Variants in CSNK2A2 observed in about 807,000 individuals in gnomAD.
The protein encoded by CSNK2A2 is casein kinase 2 alpha 2.
A neutral mutation model predicts 54.0 loss-of-function variants in CSNK2A2; 8 were observed. The ratio of observed to expected loss-of-function variants is 0.15; its 90% CI spans 0.09 to 0.27. CSNK2A2 has a LOEUF of 0.27. Among genes scored for constraint, CSNK2A2 ranks in the 10% least tolerant of loss-of-function variants. CSNK2A2 has a pLI of 1.00. For missense variants in CSNK2A2, 242 were observed against 439.4 expected (o/e 0.55, Z 4.02); for synonymous variants, 141 against 153.9 (o/e 0.92, Z 0.62).
At chr16:58,165,516 C>G in intron 10 of CSNK2A2, 44 bp downstream of exon 10, 1 of 1,537,174 alleles carries the variant, frequency 6.5e-7, no homozygotes, top group Non-Finnish European at 8.8e-7. Context: ...AAGATTTGTT[C>G]TCTTGACTGA....
At chr16:58,186,624 CA>C in intron 3 of CSNK2A2, 130 bp downstream of exon 3, 1 of 612,538 alleles carries the variant, frequency 1.6e-6, no homozygotes. Flanking sequence ...TTCTGGTTTT[CA>C]AACCAGTCAG....
At chr16:58,164,169 G>A (rs772668095) in intron 10 of CSNK2A2, 22 bp from the exon 11 acceptor site, 4 of 1,612,690 alleles carry the variant, frequency 2.5e-6, no homozygotes. Context: ...CAGGAGGAAA[G>A]TCAGGCAATC....
chr16:58,180,521 TA>T (rs1282503355), intron 4 of CSNK2A2, among the ~76,000 whole-genome samples: 2 of 152,104 alleles, frequency 1.3e-5, no homozygotes, highest in African/African-American at 4.8e-5. Context: ...AGTTATGTTT[TA>T]AAAAGGAAAG....
rs372634548 is a variant in CSNK2A2, at chr16:58,161,546, C to CACACACAG, written c.*17+2507_*17+2508insCTGTGTGT. 1.7e-4 allele frequency: 25 copies of CACACACAG among 150,438 alleles called. 1 individual carries two copies. Among genetic ancestry groups the CACACACAG allele is most frequent in the African/African-American group, 6.0e-4 (24 of 40,176 alleles). 9.3% of individuals were successfully genotyped at this position (150,438 alleles called of 1,614,324 possible). ...ACACAGACACACACACAGACACACA[C>CACACACAG]ACAGACACACACACAGACACACACA... is the stretch of plus-strand genomic sequence containing the variant. On this transcript the variant is annotated intron_variant, in intron 11 of 11. Transcript: ENST00000262506.
chr16:58,167,850 CT>C, intron 6 of CSNK2A2, 55 bp from the exon 7 acceptor site: 1 of 1,382,798 alleles, frequency 7.2e-7, no homozygotes, highest in Non-Finnish European at 1.0e-6. Flanking sequence ...ACGCCTATGC[CT>C]TAGAACAAGG....
intron 4 of CSNK2A2, among the ~76,000 whole-genome samples, chr16:58,181,840 G>A (rs887640048): frequency 6.6e-6 from 1 of 152,040 alleles, no homozygotes; most frequent in African/African-American, 2.4e-5. Context: ...ACGAAGGCAC[G>A]TCATTGTGAA....
intron 4 of CSNK2A2, among the ~76,000 whole-genome samples, chr16:58,182,567 A>C (rs563319229): frequency 6.6e-5 from 10 of 151,434 alleles, no homozygotes; most frequent in Admixed American, 1.3e-4. Context: ...AAAAAAAAAA[A>C]AAAAAACAAA....
intron 2 of CSNK2A2, among the ~76,000 whole-genome samples, chr16:58,190,571 T>C (rs879341684): frequency 6.6e-6 from 1 of 152,242 alleles, no homozygotes; most frequent in Non-Finnish European, 1.5e-5. Context: ...ACTTTTCCTC[T>C]AATCTTTCAA....
Position 58,169,854 on chromosome 16 carries a change from G to C in CSNK2A2, c.430-1161C>G, listed in dbSNP as rs192397239. Reference sequence around the variant, plus strand: ...CAGGTCAGGAGTTCAAGACCAGCCTGGCCAACATGGCGAAACTCCACCTCT... The same window carrying C: ...CAGGTCAGGAGTTCAAGACCAGCCTCGCCAACATGGCGAAACTCCACCTCT... On this transcript the variant is annotated intron_variant, in intron 5 of 11. Coordinates refer to ENST00000262506, the MANE Select transcript of CSNK2A2 (RefSeq NM_001896.4). Among the ~76,000 whole-genome samples, 282 of 152,122 alleles carry C rather than the reference G, an allele frequency of 1.9e-3. 2 individuals are homozygous for C. Among genetic ancestry groups the C allele is most frequent in the African/African-American group, 6.2e-3 (259 of 41,480 alleles).
chr16:58,179,310 G>A (rs1413041446), intron 4 of CSNK2A2, among the ~76,000 whole-genome samples: 2 of 151,928 alleles, frequency 1.3e-5, no homozygotes, highest in African/African-American at 4.8e-5. Context: ...GACCAGCCTG[G>A]TCAACATGGT....
chr16:58,191,618 C>T (rs1962323606), intron 2 of CSNK2A2, among the ~76,000 whole-genome samples: 1 of 152,134 alleles, frequency 6.6e-6, no homozygotes, highest in African/African-American at 2.4e-5. Context: ...CCACCTCGGC[C>T]TACCAAAGGG....
intron 10 of CSNK2A2, among the ~76,000 whole-genome samples, chr16:58,165,217 A>G (rs1166771334): frequency 6.6e-6 from 1 of 152,208 alleles, no homozygotes; most frequent in East Asian, 1.9e-4. Flanking sequence ...ACTAATTACT[A>G]GTTTTCTGAG....
At chr16:58,179,356 C>A (rs1961964843) in intron 4 of CSNK2A2, among the ~76,000 whole-genome samples, 1 of 152,108 alleles carries the variant, frequency 6.6e-6, no homozygotes, top group East Asian at 1.9e-4. Context: ...AAAAAATTAG[C>A]TGGGTGTGGT....
Position 58,167,261 on chromosome 16 carries a change from T to C in CSNK2A2, c.672A>G (p.Ala224=), listed in dbSNP as rs1961592910. Residue 224 remains alanine, a synonymous_variant, in exon 8 of 12, where the codon GCA becomes GCG. Coordinates refer to ENST00000262506, the MANE Select transcript of CSNK2A2 (RefSeq NM_001896.4). ...ATGGTTCCCTTCGAAAGATCATGCT[T>C]GCTAACATACAGCCCAAACTCCACA... is the stretch of plus-strand genomic sequence containing the variant. ...LDMWSLGCML[A]SMIFRREPFF... is the part of the protein sequence containing the mutation. The C allele has an allele frequency of 1.2e-6, 2 of 1,613,748 alleles. No individual in the cohort carries two copies. The highest frequency in any genetic ancestry group is 2.7e-5 in the African/African-American group (2 of 74,908).
At position 58,182,389 on chromosome 16, in the gene CSNK2A2, A is replaced by G. The variant is rs985161958; in HGVS notation, c.369+1871T>C. Among the ~76,000 whole-genome samples the G allele has an allele frequency of 1.0e-3, 151 of 144,498 alleles. 1 individual carries two copies. Among genetic ancestry groups the G allele is most frequent in the Non-Finnish European group, 1.4e-3 (91 of 65,964 alleles). The allele number at this position is 144,498 out of a possible 152,430, so 94.8% of individuals were successfully genotyped here. A position where few individuals can be genotyped will look rare whatever the true frequency, so the allele number is the denominator to read the frequency against. ...CTAAATATACCAAAAAAAAAAAAAA[A>G]AAAAAAAAAAAAAAAACTAGCCAGG... On this transcript the variant is annotated intron_variant, in intron 4 of 11. Coordinates refer to ENST00000262506, the MANE Select transcript of CSNK2A2 (RefSeq NM_001896.4).
chr16:58,179,596 G>A (rs1961974048), intron 4 of CSNK2A2, among the ~76,000 whole-genome samples: 2 of 152,080 alleles, frequency 1.3e-5, no homozygotes, highest in African/African-American at 4.8e-5. Context: ...TCTAGGTGAA[G>A]AATATATACT....
At chr16:58,178,375 C>T (rs1054675371) in intron 4 of CSNK2A2, among the ~76,000 whole-genome samples, 50 of 152,188 alleles carry the variant, frequency 3.3e-4, no homozygotes, top group African/African-American at 1.2e-3. Flanking sequence ...CCTCTGCCCC[C>T]TCGGGTTCAC....
rs1387088566 is a variant in CSNK2A2, at chr16:58,198,077, G to T, written c.-341C>A. Among the ~76,000 whole-genome samples, 1 of 146,572 alleles carries T rather than the reference G, an allele frequency of 6.8e-6. No individual in the cohort carries two copies. The highest frequency in any genetic ancestry group is 1.5e-5 in the Non-Finnish European group (1 of 65,834). On this transcript the variant is annotated 5_prime_UTR_variant, in exon 1 of 12. Transcript: ENST00000262506. ...AGCCACCGGCCGGGAAAGGGGCAGCGGCGGCGGCAGCGGAGAAGAAGGAGG... is the reference window on the plus strand; with the variant it reads ...AGCCACCGGCCGGGAAAGGGGCAGCTGCGGCGGCAGCGGAGAAGAAGGAGG...
intron 2 of CSNK2A2, among the ~76,000 whole-genome samples, chr16:58,188,850 A>T (rs1436230797): frequency 6.6e-6 from 1 of 152,250 alleles, no homozygotes; most frequent in Non-Finnish European, 1.5e-5. Context: ...AGGATAAAAC[A>T]AATGTTAACA....
Sources: allele counts gnomAD v4.1 joint callset (sites outside exome capture counted in the v4.1 genomes callset), GRCh38; gene constraint gnomAD v4.1.1; transcripts MANE v1.5; gene names NCBI Gene and HGNC (gene_info 2026-07-23, HGNC 2026-07-21).